The following FBN2 variants were observed in gnomAD, a reference collection of about 807,000 sequenced individuals.
FBN2 encodes fibrillin-2.
FBN2 carries 105 observed loss-of-function variants against 355.6 expected under a neutral mutation model. That is an observed-to-expected ratio of 0.30 (90% CI 0.25 to 0.35). FBN2 has a LOEUF of 0.35. Ranked by LOEUF, FBN2 falls within the 10% of genes least tolerant of loss-of-function variation. The pLI is 1.00. For missense variants in FBN2, 3,280 were observed against 3,758.7 expected (o/e 0.87, Z 3.33); for synonymous variants, 1,350 against 1,301.2 (o/e 1.04, Z -0.81).
In FBN2 at chr5:128,378,846, C is replaced by A; in HGVS notation, c.1648G>T (p.Val550Phe). 6.2e-7 allele frequency: 1 copy of A among 1,613,202 alleles called. No homozygotes were observed. Among genetic ancestry groups the A allele is most frequent in the Non-Finnish European group, 8.5e-7 (1 of 1,179,348 alleles). Residue 550 changes from valine to phenylalanine, a missense_variant, in exon 12 of 65, where the codon GTT becomes TTT. Val to Phe is a conservative substitution (Grantham distance 50). Around this residue, in one of 6 missense-constraint regions of FBN2, gnomAD observed 2,284 missense variants for 2,749.5 expected, o/e 0.83. Transcript: ENST00000262464. ...TSNPCTNGDCVNTPGSYYCKC... is the reference protein window; with the variant it reads ...TSNPCTNGDCFNTPGSYYCKC... Reference sequence around the variant, plus strand: ...CAATAATAGGAACCAGGTGTGTTAACACAATCTCCATTAGTGCAGGGATTT... The same window carrying A: ...CAATAATAGGAACCAGGTGTGTTAAAACAATCTCCATTAGTGCAGGGATTT...
chr5:128,517,124 T>C (rs1756301300), intron 5 of FBN2, among the ~76,000 whole-genome samples: 1 of 152,196 alleles, frequency 6.6e-6, no homozygotes, highest in Admixed American at 6.5e-5. Context: ...TAAATCTTTA[T>C]TGAATTCTCA....
At chr5:128,422,458 A>G (rs1224346880) in intron 7 of FBN2, among the ~76,000 whole-genome samples, 1 of 152,184 alleles carries the variant, frequency 6.6e-6, no homozygotes, top group Non-Finnish European at 1.5e-5. Flanking sequence ...AGAAGTGACT[A>G]AAGAGTTGAA....
chr5:128,338,210 G>A (rs957694560), intron 26 of FBN2, 88 bp from the exon 27 acceptor site: 275 of 1,272,942 alleles, frequency 2.2e-4, no homozygotes, highest in Non-Finnish European at 2.9e-4. Context: ...ATTATCTGAT[G>A]TGAGAGTGTG....
chr5:128,456,023 A>AAAAG (rs1554070903), intron 6 of FBN2, among the ~76,000 whole-genome samples: 2 of 145,782 alleles, frequency 1.4e-5, no homozygotes, highest in African/African-American at 5.0e-5. Flanking sequence ...AAAAAAAAAA[A>AAAAG]GCAACTGCTG....
intron 5 of FBN2, among the ~76,000 whole-genome samples, chr5:128,474,145 C>T (rs1172413744): frequency 6.6e-6 from 1 of 152,110 alleles, no homozygotes; most frequent in Non-Finnish European, 1.5e-5. Flanking sequence ...AGCCTATAAC[C>T]CTAAAAGTGC....
chr5:128,530,493 A>C (rs1756673500), intron 3 of FBN2, 102 bp downstream of exon 3: 2 of 772,230 alleles, frequency 2.6e-6, no homozygotes, highest in Non-Finnish European at 4.6e-6. Context: ...GGATTAACTA[A>C]AGTAATAACA....
intron 5 of FBN2, among the ~76,000 whole-genome samples, chr5:128,503,292 G>A (rs1188408884): frequency 1.3e-5 from 2 of 152,274 alleles, no homozygotes; most frequent in East Asian, 3.9e-4. Flanking sequence ...CCCAGTCTCA[G>A]GTATGTCTTT....
At chr5:128,361,974 A>G (rs1751650880) in intron 18 of FBN2, 126 bp from the exon 19 acceptor site, 2 of 960,448 alleles carry the variant, frequency 2.1e-6, no homozygotes, top group Non-Finnish European at 3.3e-6. Flanking sequence ...TCTCTGTATC[A>G]CAGCGCACTC....
rs1445721062 is a variant in FBN2, at chr5:128,378,841, G to C, written c.1653C>G (p.Asn551Lys). ...ATTTACAATAATAGGAACCAGGTGT[G>C]TTAACACAATCTCCATTAGTGCAGG... Reference protein sequence around the residue: ...SNPCTNGDCVNTPGSYYCKCH... With the variant: ...SNPCTNGDCVKTPGSYYCKCH... Residue 551 changes from asparagine to lysine, a missense_variant, in exon 12 of 65, where the codon AAC (asparagine) becomes AAG (lysine). Coordinates refer to ENST00000262464, the MANE Select transcript of FBN2 (RefSeq NM_001999.4). 1 of 1,613,146 alleles carries C rather than the reference G, an allele frequency of 6.2e-7. No homozygotes were observed. The highest frequency in any genetic ancestry group is 8.5e-7 in the Non-Finnish European group (1 of 1,179,284).
At chr5:128,311,753 G>A in intron 38 of FBN2, 132 bp downstream of exon 38, 1 of 728,224 alleles carries the variant, frequency 1.4e-6, no homozygotes, top group Middle Eastern at 2.3e-4. Context: ...TAACATTTTA[G>A]TAATTAAAGT....
chr5:128,498,308 C>T (rs1259659797), intron 5 of FBN2, among the ~76,000 whole-genome samples: 4 of 152,220 alleles, frequency 2.6e-5, no homozygotes, highest in African/African-American at 9.6e-5. Flanking sequence ...AAATCTCCAA[C>T]ATCTCACCAG....
At chr5:128,374,874 C>A (rs1156510586) in intron 14 of FBN2, 124 bp from the exon 15 acceptor site, 4 of 1,016,820 alleles carry the variant, frequency 3.9e-6, no homozygotes, top group Admixed American at 2.0e-5. Flanking sequence ...TTGTGAAGAA[C>A]AAATAAGTGT....
chr5:128,490,927 A>AT (rs996875341), intron 5 of FBN2, among the ~76,000 whole-genome samples: 6 of 152,280 alleles, frequency 3.9e-5, no homozygotes, highest in Middle Eastern at 3.4e-3. Context: ...TTTGGAATGC[A>AT]TTTTTTCCTT....
Position 128,259,132 on chromosome 5 carries a change from A to C in FBN2, c.*323T>G, listed in dbSNP as rs1345181992. 2 of 98,358 alleles carry C rather than the reference A, an allele frequency of 2.0e-5. No individual in the cohort carries two copies. The highest frequency in any genetic ancestry group is 3.6e-5 in the Non-Finnish European group (2 of 55,582). 6.1% of individuals were successfully genotyped at this position (98,358 alleles called of 1,614,324 possible). ...CAAAGTGTTACAGACTGCTAACAGG[A>C]AAAAAAAAAAAAGCTCACATTATTT... On this transcript the variant is annotated 3_prime_UTR_variant, in exon 65 of 65. Transcript: ENST00000262464.
intron 5 of FBN2, among the ~76,000 whole-genome samples, chr5:128,505,858 T>A (rs543079603): frequency 6.6e-6 from 1 of 152,298 alleles, no homozygotes; most frequent in African/African-American, 2.4e-5. Context: ...AATATACAAC[T>A]TGTTTCTTGA....
chr5:128,266,878 T>C (rs1765127288), intron 62 of FBN2, among the ~76,000 whole-genome samples: 1 of 152,108 alleles, frequency 6.6e-6, no homozygotes, highest in African/African-American at 2.4e-5. Flanking sequence ...AGTTCTGGGA[T>C]ACATGTGCAG....
chr5:128,298,216 T>G (rs1423456366), intron 48 of FBN2, among the ~76,000 whole-genome samples: 1 of 152,172 alleles, frequency 6.6e-6, no homozygotes, highest in Non-Finnish European at 1.5e-5. Flanking sequence ...GCTGTTAGTC[T>G]GATGGGCTTC....
At chr5:128,370,060 G>T (rs1470951532) in intron 15 of FBN2, among the ~76,000 whole-genome samples, 3 of 152,170 alleles carry the variant, frequency 2.0e-5, no homozygotes, top group African/African-American at 7.2e-5. Context: ...CAGTGCCTGA[G>T]TTGGGGTTCA....
intron 58 of FBN2, 57 bp from the exon 59 acceptor site, chr5:128,276,217 T>C: frequency 6.4e-7 from 1 of 1,552,842 alleles, no homozygotes; most frequent in Non-Finnish European, 8.9e-7. Context: ...ACCAGACTCT[T>C]TCCTCCTTCC....
Sources: gnomAD v4.1 joint callset for allele counts (sites outside exome capture counted in the v4.1 genomes callset) on GRCh38, gnomAD v4.1.1 for gene constraint, gnomAD v4.1.1 regional missense constraint, MANE v1.5 for transcripts, NCBI Gene and HGNC (gene_info 2026-07-23, HGNC 2026-07-21) for gene names.